The following IL24 variants were observed in gnomAD, a reference collection of about 807,000 sequenced individuals.
IL24 encodes the protein interleukin 24.
A neutral mutation model predicts 27.6 loss-of-function variants in IL24; 24 were observed. That is an observed-to-expected ratio of 0.87 (90% CI 0.63 to 1.22). The LOEUF is 1.22. Among genes scored for constraint, IL24 ranks in the 50% most tolerant of loss-of-function variants. The probability of loss-of-function intolerance (pLI) is 0.00; values close to 1 mark genes in which losing one functional copy is unlikely to be tolerated. For synonymous variants in IL24, 99 were observed against 93.1 expected, an observed-to-expected ratio of 1.06 and a Z score of -0.36; for missense variants, 240 against 237.0, an observed-to-expected ratio of 1.01 and a Z score of -0.08.
At chr1:206,897,950 C>T (rs956097368) in intron 2 of IL24, 74 bp downstream of exon 2, 38 of 888,336 alleles carry the variant, frequency 4.3e-5, no homozygotes, top group South Asian at 2.4e-4. Context: ...GTCAGGAGTT[C>T]GAGACCAGCC....
chr1:206,902,562 ATC>A (rs1408776524), intron 6 of IL24: 1 of 944,300 alleles, frequency 1.1e-6, no homozygotes, highest in African/African-American at 2.8e-5. Context: ...AATGATTTCG[ATC>A]ACTTTTTTTT....
At chr1:206,901,780 G>A in intron 5 of IL24, 128 bp downstream of exon 5, 1 of 879,524 alleles carries the variant, frequency 1.1e-6, no homozygotes, top group Non-Finnish European at 1.8e-6. Flanking sequence ...GTAAAATGGG[G>A]ATGATCACTC....
At chr1:206,898,463 A>G (rs1247396140) in intron 2 of IL24, among the ~76,000 whole-genome samples, 3 of 151,972 alleles carry the variant, frequency 2.0e-5, no homozygotes, top group African/African-American at 7.2e-5. Context: ...GAGAGAGGAA[A>G]GAAGGAAGAA....
chr1:206,898,602 C>T (rs1203667969), intron 2 of IL24, among the ~76,000 whole-genome samples: 1 of 152,150 alleles, frequency 6.6e-6, no homozygotes, highest in African/African-American at 2.4e-5. Context: ...AGCTTGGAGG[C>T]TCTTCACTCA....
chr1:206,902,350 G>C (rs1269530820), intron 6 of IL24: 5 of 985,350 alleles, frequency 5.1e-6, no homozygotes, highest in Middle Eastern at 5.2e-4. Context: ...AGGTACTTGG[G>C]CTGGGCAACT....
chr1:206,899,596 T>C, intron 3 of IL24, 81 bp downstream of exon 3: 1 of 1,226,610 alleles, frequency 8.2e-7, no homozygotes, highest in Non-Finnish European at 1.1e-6. Flanking sequence ...TGCTATTTTA[T>C]GATTCTGGAG....
In IL24 at chr1:206,903,016, T is replaced by A; in HGVS notation, c.578T>A (p.Val193Glu). ...GCTCTGACCAAAGCCCTTGGGGAAG[T>A]GGACATTCTTCTGACCTGGATGCAG... ...EAALTKALGEVDILLTWMQKF... is the reference protein window; with the variant it reads ...EAALTKALGEEDILLTWMQKF... The change falls in exon 7 of 7, where the codon GTG becomes GAG. Residue 193 changes from valine (V) to glutamate (E), a missense_variant. Physicochemically the swap from Val to Glu is moderately radical, Grantham distance 121. Transcript: ENST00000294984. The A allele has an allele frequency of 1.2e-6, 2 of 1,614,196 alleles. No individual in the cohort carries two copies. Among genetic ancestry groups the A allele is most frequent in the Non-Finnish European group, 1.7e-6 (2 of 1,180,016 alleles).
Position 206,903,184 on chromosome 1 carries a change from C to A in IL24, c.*125C>A. Reference sequence around the variant, plus strand: ...CTTGGCCATGGGTCCCATTCTTGGCCCAGGATTATTGTCAAAGAAGTCATT... The same window carrying A: ...CTTGGCCATGGGTCCCATTCTTGGCACAGGATTATTGTCAAAGAAGTCATT... On this transcript the variant is annotated 3_prime_UTR_variant, in exon 7 of 7. Coordinates refer to ENST00000294984, the MANE Select transcript of IL24 (RefSeq NM_006850.3). 1 of 793,548 alleles carries A rather than the reference C, an allele frequency of 1.3e-6. No homozygotes were observed. The highest frequency in any genetic ancestry group is 2.1e-6 in the Non-Finnish European group (1 of 465,986). 49.2% of individuals were successfully genotyped at this position (793,548 alleles called of 1,614,324 possible).
In IL24 at chr1:206,902,056, G is replaced by A. The variant is rs539103349; in HGVS notation, c.521G>A (p.Arg174Gln). ...GCACACAGGCGGTTTCTGCTATTCC[G>A]GAGAGCATTCAAACAGGTAAGGCCA... ...DSAHRRFLLF[R>Q]RAFKQLDVEA... The change falls in exon 6 of 7, where the codon CGG becomes CAG. Residue 174 changes from arginine (R) to glutamine (Q), a missense_variant. Physicochemically the swap from Arg to Gln is conservative, Grantham distance 43. Coordinates refer to ENST00000294984, the MANE Select transcript of IL24 (RefSeq NM_006850.3). 6.2e-6 allele frequency: 10 copies of A among 1,614,018 alleles called. No homozygotes were observed. Among genetic ancestry groups the A allele is most frequent in the Middle Eastern group, 1.6e-4 (1 of 6,062 alleles).
At position 206,900,504 on chromosome 1, in the gene IL24, G is replaced by A. The variant is rs61814972; in HGVS notation, c.303+147G>A. On this transcript the variant is annotated intron_variant, in intron 4 of 6. Coordinates refer to ENST00000294984, the MANE Select transcript of IL24 (RefSeq NM_006850.3). ...GGACAGGGCCAGACTGTGAGCCAGG[G>A]AAGTCAGTGTCTGGGGTTATTGCTA... 7.5e-4 allele frequency: 540 copies of A among 719,284 alleles called. 1 individual carries two copies. The highest frequency in any genetic ancestry group is 1.1e-3 in the Non-Finnish European group (446 of 403,720). 44.6% of individuals were successfully genotyped at this position (719,284 alleles called of 1,614,324 possible).
At chr1:206,901,911 C>T (rs1678401036) in intron 5 of IL24, 87 bp from the exon 6 acceptor site, 1 of 1,360,366 alleles carries the variant, frequency 7.4e-7, no homozygotes, top group African/African-American at 1.4e-5. Flanking sequence ...TTTGGGAGAC[C>T]CTGTGGCATC....
At chr1:206,898,021 T>G (rs1212173000) in intron 2 of IL24, 145 bp downstream of exon 2, 2 of 522,326 alleles carry the variant, frequency 3.8e-6, no homozygotes, top group East Asian at 3.5e-5. Flanking sequence ...GTTGGGCATG[T>G]GTTTTTGATA....
Position 206,903,277 on chromosome 1 carries a change from T to A in IL24, c.*218T>A. On this transcript the variant is annotated 3_prime_UTR_variant, in exon 7 of 7. Transcript: ENST00000294984. ...TGCTGTGAAGAGTCTACAGAGAAGA[T>A]TCTTGTATTTATTACAACTCTATTT... 4.0e-6 allele frequency: 2 copies of A among 501,772 alleles called. No homozygotes were observed. Among genetic ancestry groups the A allele is most frequent in the Non-Finnish European group, 7.1e-6 (2 of 279,780 alleles). The allele number at this position is 501,772 out of a possible 1,614,324, so 31.1% of individuals were successfully genotyped here. A position where few individuals can be genotyped will look rare whatever the true frequency, so the allele number is the denominator to read the frequency against.
Position 206,903,183 on chromosome 1 carries a change from C to T in IL24, c.*124C>T. ...CCTTGGCCATGGGTCCCATTCTTGG[C>T]CCAGGATTATTGTCAAAGAAGTCAT... On this transcript the variant is annotated 3_prime_UTR_variant, in exon 7 of 7. Transcript: ENST00000294984. The T allele has an allele frequency of 2.5e-6, 2 of 799,924 alleles. No homozygotes were observed. Among genetic ancestry groups the T allele is most frequent in the South Asian group, 1.6e-5 (1 of 63,646 alleles). The allele number at this position is 799,924 out of a possible 1,614,324, so 49.6% of individuals were successfully genotyped here.
chr1:206,902,171 G>C, intron 6 of IL24, 99 bp downstream of exon 6: 1 of 1,537,392 alleles, frequency 6.5e-7, no homozygotes, highest in Non-Finnish European at 8.7e-7. Flanking sequence ...ATGTAATGCA[G>C]GGGACACCAT....
chr1:206,899,197 C>T, intron 2 of IL24, 123 bp from the exon 3 acceptor site: 1 of 997,874 alleles, frequency 1.0e-6, no homozygotes, highest in Non-Finnish European at 1.5e-6. Flanking sequence ...TTGCAATAGT[C>T]TCAACTTGCC....
rs756616915 is a variant in IL24 at position 206,901,507 on chromosome 1, G to T, written c.317G>T (p.Cys106Phe). Reference sequence around the variant, plus strand: ...GACCTTCCCCAGGATGCTGAGAGCTGTTACCTTGTCCACACCCTGCTGGAG... The same window carrying T: ...GACCTTCCCCAGGATGCTGAGAGCTTTTACCTTGTCCACACCCTGCTGGAG... ...VLQNVSDAES[C>F]YLVHTLLEFY... The change falls in exon 5 of 7, where the codon TGT becomes TTT. Residue 106 changes from cysteine (C) to phenylalanine (F), a missense_variant. By Grantham distance (205) the Cys-to-Phe change is radical (BLOSUM62 -2). Coordinates refer to ENST00000294984, the MANE Select transcript of IL24 (RefSeq NM_006850.3). The T allele has an allele frequency of 1.2e-6, 2 of 1,612,870 alleles. No individual in the cohort carries two copies. The highest frequency in any genetic ancestry group is 1.7e-6 in the Non-Finnish European group (2 of 1,179,248).
Position 206,897,861 on chromosome 1 carries a change from T to G in IL24, c.29T>G (p.Leu10Arg). The G allele has an allele frequency of 2.5e-6, 4 of 1,607,160 alleles. No individual in the cohort carries two copies. The highest frequency in any genetic ancestry group is 3.4e-6 in the Non-Finnish European group (4 of 1,177,442). ...AATTTTCAACAGAGGCTGCAAAGCC[T>G]GTGGACTTTAGCCAGGTGCGGTGGC... MNFQQRLQS[L>R]WTLARPFCPP... Residue 10 changes from leucine to arginine, a missense_variant, in exon 2 of 7, where the codon CTG becomes CGG. Physicochemically the swap from Leu to Arg is moderately radical, Grantham distance 102. Coordinates refer to ENST00000294984, the MANE Select transcript of IL24 (RefSeq NM_006850.3).
At chr1:206,898,271 A>C (rs1312240133) in intron 2 of IL24, among the ~76,000 whole-genome samples, 1 of 151,520 alleles carries the variant, frequency 6.6e-6, no homozygotes, top group Non-Finnish European at 1.5e-5. Context: ...CCCATAACCC[A>C]GGGGTCGCCG....
Sources: allele counts gnomAD v4.1 joint callset (sites outside exome capture counted in the v4.1 genomes callset), GRCh38; gene constraint gnomAD v4.1.1; transcripts MANE v1.5; gene names NCBI Gene and HGNC (gene_info 2026-07-23, HGNC 2026-07-21).